The following SLC22A15 variants were observed in gnomAD, a reference collection of about 807,000 sequenced individuals.
The protein encoded by SLC22A15 is flipt 1.
SLC22A15 carries 45 observed loss-of-function variants against 62.7 expected under a neutral mutation model. That is an observed-to-expected ratio of 0.72 (90% CI 0.56 to 0.92). The LOEUF (loss-of-function observed/expected upper bound fraction) is 0.92. SLC22A15 is among the 40% of genes least tolerant of loss of function. SLC22A15 has a pLI of 0.00. For synonymous variants in SLC22A15, 264 were observed against 267.0 expected (o/e 0.99, Z 0.11); for missense variants, 622 against 665.6 (o/e 0.93, Z 0.72).
rs749751161 is a variant in SLC22A15, at chr1:116,020,793, G to A, written c.506G>A (p.Arg169His). 6.2e-6 allele frequency: 10 copies of A among 1,613,624 alleles called. No homozygotes were observed. The highest frequency in any genetic ancestry group is 4.5e-5 in the East Asian group (2 of 44,856). Residue 169 changes from arginine (R) to histidine (H), a missense_variant, in exon 4 of 12, where the codon CGC becomes CAC. Coordinates refer to ENST00000369503, the MANE Select transcript of SLC22A15 (RefSeq NM_018420.3). ...TCATATGAGTTCTTTGCAGTAACTC[G>A]CTTCCTGGTGGGCATGATGAATGGA... is the stretch of plus-strand genomic sequence containing the variant. ...SPSYEFFAVT[R>H]FLVGMMNGGM...
chr1:116,047,646 T>G (rs1229228758), intron 8 of SLC22A15, among the ~76,000 whole-genome samples: 2 of 152,004 alleles, frequency 1.3e-5, no homozygotes, highest in Admixed American at 1.3e-4. Context: ...TCACTGCAGT[T>G]TGGTTCACAG....
chr1:116,002,537 G>A (rs574027533), intron 2 of SLC22A15, among the ~76,000 whole-genome samples: 2 of 152,086 alleles, frequency 1.3e-5, no homozygotes, highest in African/African-American at 4.8e-5. Context: ...TTTTACTGGG[G>A]CTGAGCTGGT....
Position 115,976,625 on chromosome 1 carries a change from G to C in SLC22A15, c.-3G>C, listed in dbSNP as rs1252328731. On this transcript the variant is annotated 5_prime_UTR_variant, in exon 1 of 12. Transcript: ENST00000369503. The stretch of plus-strand genomic sequence containing the variant: ...GTGGCGGGGTTCCTGCGCGCGGCCC[G>C]CCATGGAGGTGGAGGAGGCGTTCCA... 6 of 1,572,564 alleles carry C rather than the reference G, an allele frequency of 3.8e-6. No homozygotes were observed. The African/African-American group carries it at 4.2e-5, about 11-fold the overall frequency.
Position 116,046,413 on chromosome 1 carries a change from A to G in SLC22A15, c.1171+9025A>G, listed in dbSNP as rs142855702. On this transcript the variant is annotated intron_variant, in intron 8 of 11. Transcript: ENST00000369503. ...TCTAATAATAAGGAAAAAATAGGCA[A>G]AAGATTTGAATGGATGCTTCTCCAA... Among the ~76,000 whole-genome samples, 477 of 152,354 alleles carry G rather than the reference A, an allele frequency of 3.1e-3. 1 individual carries two copies. The highest frequency in any genetic ancestry group is 5.7e-3 in the Non-Finnish European group (386 of 68,038).
intron 8 of SLC22A15, among the ~76,000 whole-genome samples, chr1:116,045,687 C>G (rs1037425025): frequency 1.6e-5 from 2 of 123,278 alleles, no homozygotes; most frequent in African/African-American, 6.1e-5. Flanking sequence ...TGCAGTGAGC[C>G]AAGATCGTGC....
intron 1 of SLC22A15, among the ~76,000 whole-genome samples, chr1:115,990,108 G>A (rs984083878): frequency 6.6e-6 from 1 of 152,210 alleles, no homozygotes; most frequent in African/African-American, 2.4e-5. Flanking sequence ...AACAGGAGAG[G>A]ACTTCTGGAG....
chr1:116,065,596 C>T (rs1272428515), intron 10 of SLC22A15, among the ~76,000 whole-genome samples: 1 of 152,044 alleles, frequency 6.6e-6, no homozygotes, highest in African/African-American at 2.4e-5. Context: ...CTCCTCCTCC[C>T]TCTTCCTCCT....
chr1:116,042,707 A>G (rs1657819097), intron 8 of SLC22A15, among the ~76,000 whole-genome samples: 1 of 152,238 alleles, frequency 6.6e-6, no homozygotes, highest in South Asian at 2.1e-4. Flanking sequence ...CAAAGCAAAA[A>G]CATACAGAAT....
At chr1:116,047,158 G>A (rs1028310920) in intron 8 of SLC22A15, among the ~76,000 whole-genome samples, 7 of 152,192 alleles carry the variant, frequency 4.6e-5, no homozygotes, top group African/African-American at 1.7e-4. Flanking sequence ...GCCGCGCACA[G>A]TGGCTTACAC....
At chr1:116,042,840 C>G (rs747270521) in intron 8 of SLC22A15, among the ~76,000 whole-genome samples, 1 of 152,170 alleles carries the variant, frequency 6.6e-6, no homozygotes, top group Admixed American at 6.5e-5. Context: ...TTATAGGTCA[C>G]TTTACCCTAA....
At chr1:116,041,535 A>G (rs1280575479) in intron 8 of SLC22A15, among the ~76,000 whole-genome samples, 1 of 152,202 alleles carries the variant, frequency 6.6e-6, no homozygotes. Flanking sequence ...ATGATCCCTG[A>G]GAGGAGAAAA....
intron 2 of SLC22A15, among the ~76,000 whole-genome samples, chr1:115,996,775 C>A (rs149180883): frequency 1.4e-4 from 21 of 151,824 alleles, no homozygotes; most frequent in Non-Finnish European, 2.1e-4. Context: ...ATAGTTATAG[C>A]GTGATTCAAA....
At chr1:115,984,755 A>G (rs1654773614) in intron 1 of SLC22A15, among the ~76,000 whole-genome samples, 1 of 152,140 alleles carries the variant, frequency 6.6e-6, no homozygotes, top group African/African-American at 2.4e-5. Flanking sequence ...TTGGGACAAG[A>G]TGTGGAGGCA....
intron 6 of SLC22A15, among the ~76,000 whole-genome samples, chr1:116,033,530 C>T (rs1365562720): frequency 6.7e-6 from 1 of 150,010 alleles, no homozygotes; most frequent in South Asian, 2.1e-4. Flanking sequence ...TTGATACTGT[C>T]ACAGCTTGAT....
At chr1:116,049,582 C>T (rs1658002794) in intron 8 of SLC22A15, among the ~76,000 whole-genome samples, 1 of 152,116 alleles carries the variant, frequency 6.6e-6, no homozygotes, top group Non-Finnish European at 1.5e-5. Context: ...ATCAAAACCT[C>T]TGTGATACAG....
At chr1:116,022,095 G>A (rs558686716) in intron 4 of SLC22A15, among the ~76,000 whole-genome samples, 6 of 152,162 alleles carry the variant, frequency 3.9e-5, no homozygotes, top group Non-Finnish European at 8.8e-5. Context: ...GGATCCATAG[G>A]GTTGGACCAG....
At chr1:116,025,826 A>T (rs1365882276) in intron 4 of SLC22A15, among the ~76,000 whole-genome samples, 1 of 152,200 alleles carries the variant, frequency 6.6e-6, no homozygotes, top group Non-Finnish European at 1.5e-5. Context: ...TACTACCACT[A>T]ATAGCAGTAG....
rs1021588013 is a variant in SLC22A15 at position 116,067,361 on chromosome 1, C to T, written c.*253C>T. On this transcript the variant is annotated 3_prime_UTR_variant, in exon 12 of 12. Coordinates refer to ENST00000369503, the MANE Select transcript of SLC22A15 (RefSeq NM_018420.3). ...TAAGTTCTACTCAGAATCATAACAT[C>T]TGGCAGAACAGCCCAAACCCACATT... 3 of 425,384 alleles carry T rather than the reference C, an allele frequency of 7.1e-6. No individual in the cohort carries two copies. The highest frequency in any genetic ancestry group is 1.3e-5 in the Non-Finnish European group (3 of 237,974). The allele number at this position is 425,384 out of a possible 1,614,324, so 26.4% of individuals were successfully genotyped here.
At chr1:116,049,135 G>T (rs1489753378) in intron 8 of SLC22A15, among the ~76,000 whole-genome samples, 4 of 152,026 alleles carry the variant, frequency 2.6e-5, no homozygotes, top group Non-Finnish European at 5.9e-5. Flanking sequence ...GAGATAGACA[G>T]CAACATAATA....
Sources: gnomAD v4.1 joint callset for allele counts (sites outside exome capture counted in the v4.1 genomes callset) on GRCh38, gnomAD v4.1.1 for gene constraint, MANE v1.5 for transcripts, NCBI Gene and HGNC (gene_info 2026-07-23, HGNC 2026-07-21) for gene names.